Variants in EIF3A observed in about 807,000 individuals in gnomAD.
EIF3A encodes the protein EIF3, p180 subunit.
EIF3A carries 21 observed loss-of-function variants against 186.6 expected under a neutral mutation model. The observed-to-expected ratio is 0.11, with a 90% confidence interval of 0.08 to 0.16. The LOEUF is 0.16. Among genes scored for constraint, EIF3A ranks in the 10% least tolerant of loss-of-function variants. EIF3A has a pLI of 1.00. For missense variants in EIF3A, 1,306 were observed against 1,796.3 expected (o/e 0.73, Z 4.93); for synonymous variants, 563 against 584.3 (o/e 0.96, Z 0.52).
intron 5 of EIF3A, among the ~76,000 whole-genome samples, chr10:119,070,511 C>T (rs1844054014): frequency 6.6e-6 from 1 of 152,014 alleles, no homozygotes; most frequent in Admixed American, 6.6e-5. Flanking sequence ...ACAAAATGTA[C>T]AATAAAATTG....
intron 6 of EIF3A, among the ~76,000 whole-genome samples, chr10:119,066,127 AAAAAG>A (rs1227135804): frequency 6.6e-6 from 1 of 151,524 alleles, no homozygotes; most frequent in African/African-American, 2.4e-5. Flanking sequence ...AAAAAGAAAA[AAAAAG>A]AAAGAAAAAG....
Position 119,044,036 on chromosome 10 carries a change from T to C in EIF3A, c.2747+18A>G, listed in dbSNP as rs1053202972. The C allele has an allele frequency of 6.3e-7, 1 of 1,582,900 alleles. No homozygotes were observed. The highest frequency in any genetic ancestry group is 1.1e-5 in the South Asian group (1 of 90,270). Reference sequence around the variant, plus strand: ...TAACAGGAACTGGAGCGGCATTATTTTCCTCAACTCTACTTACTTCTCTGG... The same window carrying C: ...TAACAGGAACTGGAGCGGCATTATTCTCCTCAACTCTACTTACTTCTCTGG... On this transcript the variant is annotated intron_variant, in intron 18 of 21. Transcript: ENST00000369144.
rs182915785 is a variant in EIF3A at position 119,060,229 on chromosome 10, T to C, written c.1327-511A>G. 1.0e-3 allele frequency: 495 copies of C among 474,108 alleles called. 7 individuals are homozygous for C. In the East Asian group the frequency reaches 0.025, roughly 24 times the overall value. 29.4% of individuals were successfully genotyped at this position (474,108 alleles called of 1,614,324 possible). A position where few individuals can be genotyped will look rare whatever the true frequency, so the allele number is the denominator to read the frequency against. On this transcript the variant is annotated intron_variant, in intron 9 of 21. Coordinates refer to ENST00000369144, the MANE Select transcript of EIF3A (RefSeq NM_003750.4). ...GGGAGCACTTACTGACTTAAGCCCCTGGACTAAAATATATGAAAAGGCTGT... is the reference window on the plus strand; with the variant it reads ...GGGAGCACTTACTGACTTAAGCCCCCGGACTAAAATATATGAAAAGGCTGT...
At chr10:119,046,768 G>A (rs1213000162) in intron 17 of EIF3A, among the ~76,000 whole-genome samples, 1 of 152,060 alleles carries the variant, frequency 6.6e-6, no homozygotes, top group Non-Finnish European at 1.5e-5. Flanking sequence ...AGACCAGCCT[G>A]GCCAACATGG....
Position 119,080,144 on chromosome 10 carries a change from G to A in EIF3A, c.49+484C>T, listed in dbSNP as rs367990042. The stretch of plus-strand genomic sequence containing the variant: ...GGGGGTGGCTGCGGGAAGGCCGGGG[G>A]TGGGTCCGTAGGGCTCCCGGCCCGG... On this transcript the variant is annotated intron_variant, in intron 1 of 21. Transcript: ENST00000369144. Among the ~76,000 whole-genome samples the A allele has an allele frequency of 7.2e-5, 11 of 152,358 alleles. No individual in the cohort carries two copies. In the East Asian group the frequency reaches 7.7e-4, roughly 11 times the overall value.
chr10:119,062,743 C>CTT (rs372690463), intron 7 of EIF3A, among the ~76,000 whole-genome samples: 30,230 of 91,064 alleles, frequency 0.33, 6,998 homozygotes, highest in East Asian at 0.44. Context: ...AAGAGATCAC[C>CTT]TTTTTTTTTT....
In EIF3A at chr10:119,058,040, G is replaced by T. The variant is rs373044576; in HGVS notation, c.1893C>A (p.Ile631=). The T allele has an allele frequency of 6.2e-7, 1 of 1,614,040 alleles. No individual in the cohort carries two copies. The highest frequency in any genetic ancestry group is 1.3e-5 in the African/African-American group (1 of 74,906). The change falls in exon 12 of 22, where the codon ATC becomes ATA. Residue 631 remains isoleucine, a synonymous_variant. Transcript: ENST00000369144. ...KERILQEHEQ[I]KKKTVRERLE... ...AACGCTCTCGGACAGTTTTCTTTTT[G>T]ATTTGTTCATGTTCCTGTAAGATAC...
Position 119,044,156 on chromosome 10 carries a change from G to A in EIF3A, c.2659-14C>T, listed in dbSNP as rs1027202114. The A allele has an allele frequency of 6.4e-7, 1 of 1,573,908 alleles. No individual in the cohort carries two copies. The highest frequency in any genetic ancestry group is 2.2e-5 in the East Asian group (1 of 44,684). ...CCAACGAGAGTCCTCCATTGACAAAGTGAAAAAGAAGCATTACATTGGTAA... is the reference window on the plus strand; with the variant it reads ...CCAACGAGAGTCCTCCATTGACAAAATGAAAAAGAAGCATTACATTGGTAA... On this transcript the variant is annotated splice_polypyrimidine_tract_variant and intron_variant, in intron 17 of 21. Coordinates refer to ENST00000369144, the MANE Select transcript of EIF3A (RefSeq NM_003750.4).
rs1848231530 is a variant in EIF3A, at chr10:119,042,848, A to AG, written c.2748-77_2748-76insC. 6.9e-7 allele frequency: 1 copy of AG among 1,453,836 alleles called. No individual in the cohort carries two copies. Among genetic ancestry groups the AG allele is most frequent in the African/African-American group, 1.4e-5 (1 of 69,664 alleles). 90.1% of individuals were successfully genotyped at this position (1,453,836 alleles called of 1,614,324 possible). On this transcript the variant is annotated intron_variant, in intron 18 of 21. Transcript: ENST00000369144. This position sits in a 1 kb window ranked among gnomAD's most constrained non-coding sequence, Gnocchi z 7.8. ...ATCCTTTGGGGATTTTTTTTTTCACATGCTTTTTAAAAACTTCAGTATGGG... is the reference window on the plus strand; with the variant it reads ...ATCCTTTGGGGATTTTTTTTTTCACAGTGCTTTTTAAAAACTTCAGTATGGG...
At chr10:119,077,851 C>T (rs1370272646) in intron 1 of EIF3A, among the ~76,000 whole-genome samples, 1 of 152,132 alleles carries the variant, frequency 6.6e-6, no homozygotes, top group Non-Finnish European at 1.5e-5. Flanking sequence ...CCACGCCCGG[C>T]CTCCTCTGAA....
intron 6 of EIF3A, 24 bp from the exon 7 acceptor site, chr10:119,065,594 C>G (rs1564758267): frequency 6.5e-7 from 1 of 1,546,540 alleles, no homozygotes; most frequent in East Asian, 2.3e-5. Context: ...AGTTTTAAAT[C>G]TGTTAGGTTT....
At chr10:119,071,214 GA>G (rs1231465858) in intron 4 of EIF3A, 129 bp from the exon 5 acceptor site, 1 of 683,840 alleles carries the variant, frequency 1.5e-6, no homozygotes, top group Non-Finnish European at 2.5e-6. Context: ...TAGTCTTTGT[GA>G]TGCAATGAGA....
intron 7 of EIF3A, among the ~76,000 whole-genome samples, chr10:119,062,743 CTTTTT>C (rs372690463): frequency 1.1e-5 from 1 of 91,032 alleles, no homozygotes; most frequent in Non-Finnish European, 2.0e-5. Flanking sequence ...AAGAGATCAC[CTTTTT>C]TTTTTTTTTT....
chr10:119,073,372 T>C, intron 3 of EIF3A, 69 bp downstream of exon 3: 1 of 1,173,646 alleles, frequency 8.5e-7, no homozygotes, highest in Non-Finnish European at 1.2e-6. Flanking sequence ...CAAAAGGAAA[T>C]GAAGACCCAT....
In EIF3A at chr10:119,080,707, A is replaced by G; in HGVS notation, c.-31T>C. On this transcript the variant is annotated 5_prime_UTR_variant, in exon 1 of 22. Transcript: ENST00000369144. The stretch of plus-strand genomic sequence containing the variant: ...CGGCAGGCTCAGCTCACCCGGCGTC[A>G]GCGAACTCTCTAGTGGCCCGGGCCG... 2 of 1,578,902 alleles carry G rather than the reference A, an allele frequency of 1.3e-6. No homozygotes were observed. Among genetic ancestry groups the G allele is most frequent in the Non-Finnish European group, 1.7e-6 (2 of 1,163,750 alleles).
In EIF3A at chr10:119,056,981, T is replaced by C. The variant is rs367823170; in HGVS notation, c.2037A>G (p.Lys679=). 27 of 1,613,262 alleles carry C rather than the reference T, an allele frequency of 1.7e-5. No individual in the cohort carries two copies. The highest frequency in any genetic ancestry group is 1.9e-5 in the Non-Finnish European group (23 of 1,179,760). ...GGCGTTCTTGAAGTTCTTTCTTTTCTTTCTCCAGTTGTTCAACCTGTTTAG... is the reference window on the plus strand; with the variant it reads ...GGCGTTCTTGAAGTTCTTTCTTTTCCTTCTCCAGTTGTTCAACCTGTTTAG... ...IMAKQVEQLE[K]EKKELQERLK... Residue 679 remains lysine (K), a synonymous_variant, in exon 13 of 22, where the codon AAA becomes AAG. Coordinates refer to ENST00000369144, the MANE Select transcript of EIF3A (RefSeq NM_003750.4).
chr10:119,038,508 A>T, intron 19 of EIF3A, 69 bp from the exon 20 acceptor site: 1 of 1,278,070 alleles, frequency 7.8e-7, no homozygotes, highest in Non-Finnish European at 1.1e-6. Flanking sequence ...GCAATCATGA[A>T]TAGACGTTGG....
rs934209121 is a variant in EIF3A at position 119,042,961 on chromosome 10, T to C, written c.2748-189A>G. On this transcript the variant is annotated intron_variant, in intron 18 of 21. Coordinates refer to ENST00000369144, the MANE Select transcript of EIF3A (RefSeq NM_003750.4). This position sits in a 1 kb window ranked among gnomAD's most constrained non-coding sequence, Gnocchi z 7.8. ...TGAGGTCAGGAGTTCAAGACCAGCC[T>C]GGCCTGGCAAAACCCATCTCTACTT... 1.1e-4 allele frequency among the ~76,000 whole-genome samples: 17 copies of C among 152,116 alleles called. No individual in the cohort carries two copies.
chr10:119,038,152 G>A (rs1160085916), intron 20 of EIF3A, 86 bp downstream of exon 20: 1 of 1,189,760 alleles, frequency 8.4e-7, no homozygotes, highest in South Asian at 1.3e-5. Flanking sequence ...CCTGAACTCA[G>A]GTGATCCGCC....
Sources: allele counts gnomAD v4.1 joint callset (sites outside exome capture counted in the v4.1 genomes callset), GRCh38; gene constraint gnomAD v4.1.1; non-coding constraint Gnocchi (gnomAD v3.1); transcripts MANE v1.5; gene names NCBI Gene and HGNC (gene_info 2026-07-23, HGNC 2026-07-21).